The following RAD54B variants were observed in gnomAD, a reference collection of about 807,000 sequenced individuals.
RAD54B encodes the protein DNA repair and recombination protein RAD54B.
Under a neutral mutation model 95.8 loss-of-function variants are expected in RAD54B, and 78 were observed. The ratio of observed to expected loss-of-function variants is 0.81; its 90% CI spans 0.68 to 0.98. The LOEUF is 0.98. Among genes scored for constraint, RAD54B ranks in the 50% least tolerant of loss-of-function variants. RAD54B has a pLI of 0.00. For synonymous variants in RAD54B, 328 were observed against 354.9 expected, an observed-to-expected ratio of 0.92 and a Z score of 0.85; for missense variants, 957 against 1,056.6, an observed-to-expected ratio of 0.91 and a Z score of 1.31.
intron 2 of RAD54B, among the ~76,000 whole-genome samples, chr8:94,462,112 G>A (rs1158092821): frequency 6.6e-6 from 1 of 152,110 alleles, no homozygotes; most frequent in East Asian, 1.9e-4. Context: ...GGATTTGTCT[G>A]ATGTTTCCCT....
intron 3 of RAD54B, among the ~76,000 whole-genome samples, chr8:94,426,570 A>G (rs1269458139): frequency 6.6e-6 from 1 of 152,346 alleles, no homozygotes; most frequent in East Asian, 1.9e-4. Flanking sequence ...GATGAATATT[A>G]AAAACACTAA....
intron 3 of RAD54B, chr8:94,431,467 G>A (rs1368161809): frequency 2.0e-6 from 2 of 982,060 alleles, no homozygotes; most frequent in African/African-American, 1.7e-5. Flanking sequence ...TCTAGAGAAT[G>A]TTTTAGTGGA....
chr8:94,415,292 G>C (rs1811634507), intron 3 of RAD54B, among the ~76,000 whole-genome samples: 1 of 139,920 alleles, frequency 7.1e-6, no homozygotes. Flanking sequence ...AATAAATGCT[G>C]CTGGGAAAAC....
chr8:94,459,551 G>T (rs987042191), intron 2 of RAD54B, among the ~76,000 whole-genome samples: 4 of 152,056 alleles, frequency 2.6e-5, no homozygotes, highest in Non-Finnish European at 5.9e-5. Flanking sequence ...ACTTGAGCTG[G>T]AGTGGAAAAC....
intron 3 of RAD54B, among the ~76,000 whole-genome samples, chr8:94,416,531 A>G (rs1378618556): frequency 6.6e-6 from 1 of 151,632 alleles, no homozygotes; most frequent in Non-Finnish European, 1.5e-5. Context: ...ATAAAAAAAA[A>G]GAAAAAAAAA....
chr8:94,461,556 TGATCA>T (rs1812905910), intron 2 of RAD54B, among the ~76,000 whole-genome samples: 1 of 152,198 alleles, frequency 6.6e-6, no homozygotes, highest in African/African-American at 2.4e-5. Context: ...TTTTTATATC[TGATCA>T]GATATTAAAG....
intron 4 of RAD54B, among the ~76,000 whole-genome samples, 200 bp from the exon 5 acceptor site, chr8:94,407,920 C>T (rs1448889817): frequency 6.6e-6 from 1 of 152,054 alleles, no homozygotes; most frequent in African/African-American, 2.4e-5. Flanking sequence ...ATTAGCCATG[C>T]TTTAGAGAAA....
At chr8:94,384,309 T>A (rs933060267) in intron 11 of RAD54B, among the ~76,000 whole-genome samples, 1 of 152,202 alleles carries the variant, frequency 6.6e-6, no homozygotes, top group African/African-American at 2.4e-5. Flanking sequence ...TGGAATATTG[T>A]TTAGCCTTAA....
At chr8:94,460,916 A>G (rs1812885183) in intron 2 of RAD54B, among the ~76,000 whole-genome samples, 1 of 152,002 alleles carries the variant, frequency 6.6e-6, no homozygotes, top group Non-Finnish European at 1.5e-5. Flanking sequence ...TTCTAAGGAC[A>G]CTTATAATTA....
At chr8:94,436,609 T>G (rs941163550) in intron 3 of RAD54B, 2 of 1,550,428 alleles carry the variant, frequency 1.3e-6, no homozygotes, top group Non-Finnish European at 8.7e-7. Context: ...TTGGGTCTCT[T>G]TTTGCTGCAA....
chr8:94,436,977 A>G (rs1360098819), intron 3 of RAD54B: 5 of 1,420,848 alleles, frequency 3.5e-6, no homozygotes, highest in Non-Finnish European at 4.6e-6. Context: ...GGCTAGCCTC[A>G]TTTAGGCCCA....
At chr8:94,416,023 C>T (rs1370110273) in intron 3 of RAD54B, among the ~76,000 whole-genome samples, 2 of 145,484 alleles carry the variant, frequency 1.4e-5, no homozygotes, top group Admixed American at 7.0e-5. Flanking sequence ...TGGGTATATA[C>T]CCAAAGGACT....
At chr8:94,401,225 GT>G (rs1049338031) in intron 6 of RAD54B, among the ~76,000 whole-genome samples, 1 of 152,128 alleles carries the variant, frequency 6.6e-6, no homozygotes, top group South Asian at 2.1e-4. Context: ...TTATATATGG[GT>G]TTTTTTCAAT....
Position 94,431,783 on chromosome 8 carries a change from C to G in RAD54B, c.305-20468G>C, listed in dbSNP as rs1812102183. The G allele has an allele frequency of 4.0e-6, 4 of 999,846 alleles. No individual in the cohort carries two copies. The African/African-American group carries it at 5.2e-5, about 13-fold the overall frequency. The allele number at this position is 999,846 out of a possible 1,614,324, so 61.9% of individuals were successfully genotyped here. On this transcript the variant is annotated intron_variant, in intron 3 of 14. Coordinates refer to ENST00000336148, the MANE Select transcript of RAD54B (RefSeq NM_012415.3). ...CTGACTTAAAAATCTCTAATTATAG[C>G]TTTCAAAGTTCTAACTAAAAATGTT...
chr8:94,416,308 T>C (rs1474898965), intron 3 of RAD54B, among the ~76,000 whole-genome samples: 9 of 150,890 alleles, frequency 6.0e-5, no homozygotes, highest in African/African-American at 1.7e-4. Flanking sequence ...TAGATGGGAA[T>C]TGAACAATGA....
Position 94,372,114 on chromosome 8 carries a change from A to G in RAD54B, c.*56T>C. 1 of 1,517,618 alleles carries G rather than the reference A, an allele frequency of 6.6e-7. No individual in the cohort carries two copies. Among genetic ancestry groups the G allele is most frequent in the Non-Finnish European group, 8.8e-7 (1 of 1,141,674 alleles). The allele number at this position is 1,517,618 out of a possible 1,614,324, so 94.0% of individuals were successfully genotyped here. ...CTATTAATTTTCAAAAAGTACATTT[A>G]ATTACCATACTAATTTTCAAAAGAA... On this transcript the variant is annotated 3_prime_UTR_variant, in exon 15 of 15. Transcript: ENST00000336148.
chr8:94,453,147 G>A (rs2919665), intron 3 of RAD54B, among the ~76,000 whole-genome samples: 83,466 of 152,094 alleles, frequency 0.55, 24,594 homozygotes, highest in East Asian at 0.79. Flanking sequence ...TTGTAATAAC[G>A]AAAGATCCCA....
At chr8:94,417,596 G>T (rs1484968001) in intron 3 of RAD54B, among the ~76,000 whole-genome samples, 9 of 151,750 alleles carry the variant, frequency 5.9e-5, no homozygotes, top group Non-Finnish European at 1.3e-4. Context: ...AAATGGTTTC[G>T]CAGACTCTTT....
intron 3 of RAD54B, among the ~76,000 whole-genome samples, chr8:94,437,111 A>G (rs1199778995): frequency 6.6e-6 from 1 of 152,238 alleles, no homozygotes; most frequent in African/African-American, 2.4e-5. Context: ...AGGCACAAGC[A>G]AAACACACTT....
Sources: gnomAD v4.1 joint callset for allele counts (sites outside exome capture counted in the v4.1 genomes callset) on GRCh38, gnomAD v4.1.1 for gene constraint, MANE v1.5 for transcripts, NCBI Gene and HGNC (gene_info 2026-07-23, HGNC 2026-07-21) for gene names.